FBXL20: variants seen among roughly 807,000 people sequenced by gnomAD.
FBXL20 encodes F-box/LRR-repeat protein 20.
A neutral mutation model predicts 64.0 loss-of-function variants in FBXL20; 11 were observed. That is an observed-to-expected ratio of 0.17 (90% CI 0.11 to 0.28). The LOEUF (loss-of-function observed/expected upper bound fraction) is 0.28, where lower values mean the gene tolerates loss of function less well. Ranked by LOEUF, FBXL20 falls within the 10% of genes least tolerant of loss-of-function variation. The pLI is 1.00. For synonymous variants in FBXL20, 184 were observed against 189.0 expected, an observed-to-expected ratio of 0.97 and a Z score of 0.22; for missense variants, 303 against 526.2, an observed-to-expected ratio of 0.58 and a Z score of 4.15.
intron 2 of FBXL20, among the ~76,000 whole-genome samples, chr17:39,317,612 A>G (rs753081534): frequency 4.6e-5 from 7 of 152,068 alleles, no homozygotes; most frequent in Non-Finnish European, 7.4e-5. Flanking sequence ...TGATGGAACA[A>G]AACAGGGCAT....
intron 1 of FBXL20, among the ~76,000 whole-genome samples, chr17:39,373,386 T>C (rs1049683536): frequency 2.6e-5 from 4 of 152,222 alleles, no homozygotes; most frequent in Non-Finnish European, 2.9e-5. Context: ...CTCTCCTGCG[T>C]TGAAAAGCTT....
chr17:39,317,868 T>A (rs968492294), intron 2 of FBXL20, among the ~76,000 whole-genome samples: 2 of 151,594 alleles, frequency 1.3e-5, no homozygotes, highest in Non-Finnish European at 2.9e-5. Flanking sequence ...CGCCCAGCTA[T>A]TTTTTTGTAT....
chr17:39,401,778 C>T (rs1486494300), upstream of FBXL20: 2 of 1,005,420 alleles, frequency 2.0e-6, no homozygotes, highest in Admixed American at 1.1e-4. Flanking sequence ...ACCACCCCTC[C>T]CCCACACGGG....
At chr17:39,316,946 G>A (rs553984115) in intron 2 of FBXL20, among the ~76,000 whole-genome samples, 3 of 152,326 alleles carry the variant, frequency 2.0e-5, no homozygotes, top group Non-Finnish European at 2.9e-5. Flanking sequence ...CGGAGATTGC[G>A]CCACTGTGCT....
chr17:39,270,714 C>T (rs1390945135), intron 11 of FBXL20, 82 bp downstream of exon 11: 6 of 1,206,810 alleles, frequency 5.0e-6, no homozygotes, highest in Non-Finnish European at 7.0e-6. Context: ...TTCACATTTC[C>T]CTTGCTGCTT....
chr17:39,326,200 G>A (rs1397161248), intron 2 of FBXL20, among the ~76,000 whole-genome samples: 1 of 148,852 alleles, frequency 6.7e-6, no homozygotes, highest in Non-Finnish European at 1.5e-5. Context: ...AGAATCATAC[G>A]CCAAAAAAAA....
intron 1 of FBXL20, among the ~76,000 whole-genome samples, chr17:39,359,286 G>A (rs1271507071): frequency 1.3e-5 from 2 of 151,964 alleles, no homozygotes; most frequent in Non-Finnish European, 2.9e-5. Context: ...CAGTGAGCCA[G>A]GATTATGCAA....
chr17:39,331,203 C>T (rs1173203398), intron 2 of FBXL20, among the ~76,000 whole-genome samples: 2 of 152,162 alleles, frequency 1.3e-5, no homozygotes, highest in African/African-American at 2.4e-5. Context: ...GGGGTTCAAG[C>T]GATTCTTCTG....
rs958285653 is a variant in FBXL20, at chr17:39,257,448, A to T, written c.*4012T>A. 1 of 152,250 alleles carries T rather than the reference A, an allele frequency of 6.6e-6. No individual in the cohort carries two copies. The highest frequency in any genetic ancestry group is 1.5e-5 in the Non-Finnish European group (1 of 68,054). The allele number at this position is 152,250 out of a possible 1,614,324, so 9.4% of individuals were successfully genotyped here. ...GCTAAATCAACTTAATGAATGTGGA[A>T]ATCAGACTAGAAATTTGCAAAAGCT... On this transcript the variant is annotated 3_prime_UTR_variant, in exon 15 of 15. Coordinates refer to ENST00000264658, the MANE Select transcript of FBXL20 (RefSeq NM_032875.3).
chr17:39,401,289 C>G, intron 1 of FBXL20, 72 bp downstream of exon 1: 1 of 1,608,504 alleles, frequency 6.2e-7, no homozygotes, highest in Non-Finnish European at 8.5e-7. Context: ...AGGCTCCGTG[C>G]GGAGCGGACG....
intron 2 of FBXL20, among the ~76,000 whole-genome samples, chr17:39,303,937 A>C (rs1338123837): frequency 6.6e-6 from 1 of 152,098 alleles, no homozygotes; most frequent in African/African-American, 2.4e-5. Flanking sequence ...TGGCCTCCCA[A>C]ATTGCTAGGA....
chr17:39,315,710 C>T (rs142903308), intron 2 of FBXL20, among the ~76,000 whole-genome samples: 158 of 151,950 alleles, frequency 1.0e-3, no homozygotes, highest in Non-Finnish European at 2.0e-3. Flanking sequence ...AAACCTAGTG[C>T]GGGCTTTAGA....
chr17:39,295,982 T>A (rs2047082104), intron 6 of FBXL20, among the ~76,000 whole-genome samples: 1 of 152,060 alleles, frequency 6.6e-6, no homozygotes, highest in South Asian at 2.1e-4. Flanking sequence ...TCTTTTGCTA[T>A]TACAAGTAAT....
At chr17:39,359,534 C>T (rs1406606682) in intron 1 of FBXL20, among the ~76,000 whole-genome samples, 2 of 151,470 alleles carry the variant, frequency 1.3e-5, no homozygotes, top group Non-Finnish European at 1.5e-5. Flanking sequence ...ACCCGGGAGG[C>T]GGAGGTTGCA....
intron 1 of FBXL20, among the ~76,000 whole-genome samples, chr17:39,398,265 G>C (rs1281228282): frequency 6.6e-6 from 1 of 152,032 alleles, no homozygotes. Flanking sequence ...GGGGACAAGG[G>C]CAAGATTTCA....
chr17:39,313,893 TC>T (rs1462507508), intron 2 of FBXL20, among the ~76,000 whole-genome samples: 7 of 151,738 alleles, frequency 4.6e-5, no homozygotes, highest in African/African-American at 1.5e-4. Flanking sequence ...CCTTGGCCTC[TC>T]AAAGTGCTGG....
intron 1 of FBXL20, among the ~76,000 whole-genome samples, chr17:39,379,158 G>A (rs886879791): frequency 2.0e-5 from 3 of 149,860 alleles, no homozygotes; most frequent in South Asian, 2.1e-4. Context: ...CCCAGGAGGC[G>A]GAGGTTGTGG....
Position 39,259,851 on chromosome 17 carries a change from G to A in FBXL20, c.*1609C>T, listed in dbSNP as rs60152394. 0.042 allele frequency: 6,339 copies of A among 152,016 alleles called. 259 individuals are homozygous for A. Among genetic ancestry groups the A allele is most frequent in the African/African-American group, 0.1 (4,258 of 41,412 alleles). 9.4% of individuals were successfully genotyped at this position (152,016 alleles called of 1,614,324 possible). On this transcript the variant is annotated 3_prime_UTR_variant, in exon 15 of 15. Transcript: ENST00000264658. ...TACAAAAATTAGCCAGGCAGTAGTG[G>A]TGCATGCCTGTAATCCCAGCTACTC...
At chr17:39,341,277 ATAGT>A (rs1300718986) in intron 2 of FBXL20, among the ~76,000 whole-genome samples, 8 of 152,170 alleles carry the variant, frequency 5.3e-5, no homozygotes, top group Admixed American at 1.3e-4. Context: ...GTAATAAATG[ATAGT>A]TAGATTCCCT....
Sources: gnomAD v4.1 joint callset for allele counts (sites outside exome capture counted in the v4.1 genomes callset) on GRCh38, gnomAD v4.1.1 for gene constraint, MANE v1.5 for transcripts, NCBI Gene and HGNC (gene_info 2026-07-23, HGNC 2026-07-21) for gene names.